P3H2: variants seen among roughly 807,000 people sequenced by gnomAD.
P3H2 encodes the protein prolyl 3-hydroxylase 2.
Under a neutral mutation model 87.0 loss-of-function variants are expected in P3H2, and 80 were observed. The observed-to-expected ratio is 0.92, with a 90% CI of 0.77 to 1.11. The LOEUF is 1.11. Ranked by LOEUF, P3H2 falls within the 50% of genes least tolerant of loss-of-function variation. The probability of loss-of-function intolerance (pLI) is 0.00; values close to 1 mark genes in which losing one functional copy is unlikely to be tolerated. For synonymous variants in P3H2, 367 were observed against 359.3 expected (o/e 1.02, Z -0.24); for missense variants, 1,001 against 923.9 (o/e 1.08, Z -1.08).
intron 1 of P3H2, among the ~76,000 whole-genome samples, chr3:190,087,259 G>A (rs1003873953): frequency 3.9e-5 from 6 of 152,078 alleles, no homozygotes; most frequent in African/African-American, 1.2e-4. Context: ...TCAAGAGGCC[G>A]GGTGCGGTGG....
In P3H2 at chr3:189,973,018, A is replaced by T. The variant is rs1003425934; in HGVS notation, c.1555T>A (p.Tyr519Asn). 7 of 1,579,380 alleles carry T rather than the reference A, an allele frequency of 4.4e-6. No homozygotes were observed. Among genetic ancestry groups the T allele is most frequent in the Non-Finnish European group, 5.1e-6 (6 of 1,166,192 alleles). Residue 519 changes from tyrosine to asparagine, a missense_variant, in exon 11 of 15, where the codon TAT (tyrosine) becomes AAT (asparagine). Transcript: ENST00000319332. ...ATVLKALKSG[Y>N]EGRVPLKSAR... ...CTCTTCAGTGGGACTCGACCTTCAT[A>T]ACCAGACTGAAAAAAAAAAACAAAA...
chr3:189,969,734 T>A (rs1447960439), intron 13 of P3H2: 1 of 1,546,932 alleles, frequency 6.5e-7, no homozygotes, highest in African/African-American at 1.4e-5. Flanking sequence ...AATTAAGACA[T>A]CAAATGGCTT....
intron 1 of P3H2, among the ~76,000 whole-genome samples, chr3:189,999,844 T>C (rs1724156245): frequency 6.6e-6 from 1 of 152,186 alleles, no homozygotes; most frequent in Non-Finnish European, 1.5e-5. Context: ...CTTAGGGCCA[T>C]TTCCTCTCAA....
At chr3:189,980,889 G>A (rs1028680010) in intron 8 of P3H2, among the ~76,000 whole-genome samples, 1 of 152,216 alleles carries the variant, frequency 6.6e-6, no homozygotes, top group Non-Finnish European at 1.5e-5. Flanking sequence ...GAAAGACCAA[G>A]TGATTAGGAA....
intron 1 of P3H2, among the ~76,000 whole-genome samples, chr3:190,098,711 A>G (rs2108990259): frequency 6.6e-6 from 1 of 152,332 alleles, no homozygotes; most frequent in South Asian, 2.1e-4. Context: ...TTCTCAAAAT[A>G]CATTGATCAT....
At chr3:190,092,755 T>C (rs1727447703) in intron 1 of P3H2, among the ~76,000 whole-genome samples, 1 of 152,140 alleles carries the variant, frequency 6.6e-6, no homozygotes, top group South Asian at 2.1e-4. Flanking sequence ...GCAAAGATAA[T>C]GAGACTTTTA....
rs142826976 is a variant in P3H2 at position 189,972,901 on chromosome 3, G to T, written c.1672C>A (p.His558Asn). ...LNSTLYFSYT[H>N]MVCRTALSGQ... ...GACAGGGCTGTTCGGCAGACCATGTGTGTATAGGAAAAATACAGAGTTGAG... is the reference window on the plus strand; with the variant it reads ...GACAGGGCTGTTCGGCAGACCATGTTTGTATAGGAAAAATACAGAGTTGAG... Residue 558 changes from histidine (H) to asparagine (N), a missense_variant, in exon 11 of 15, where the codon CAC becomes AAC. His to Asn is a moderately conservative substitution (Grantham distance 68). Transcript: ENST00000319332. The T allele has an allele frequency of 3.7e-6, 6 of 1,614,064 alleles. No homozygotes were observed. The highest frequency in any genetic ancestry group is 5.1e-6 in the Non-Finnish European group (6 of 1,179,984).
At position 189,973,929 on chromosome 3, in the gene P3H2, T is replaced by A. The variant is rs1355390875; in HGVS notation, c.1528A>T (p.Thr510Ser). Residue 510 changes from threonine to serine, a missense_variant, in exon 10 of 15, where the codon ACT becomes TCT. Coordinates refer to ENST00000319332, the MANE Select transcript of P3H2 (RefSeq NM_018192.4). ...HTPNEKFEGATVLKALKSGYE... is the reference protein window; with the variant it reads ...HTPNEKFEGASVLKALKSGYE... The stretch of plus-strand genomic sequence containing the variant: ...TTTACTTTGAGTGCTTTCAGGACAG[T>A]TGCACCTTCAAACTTTTCATTGGGT... The A allele has an allele frequency of 8.1e-6, 13 of 1,613,818 alleles. No homozygotes were observed. In the African/African-American group the frequency reaches 1.7e-4, roughly 22 times the overall value.
chr3:190,093,040 G>A (rs993076706), intron 1 of P3H2, among the ~76,000 whole-genome samples: 2 of 152,090 alleles, frequency 1.3e-5, no homozygotes, highest in Non-Finnish European at 2.9e-5. Context: ...CCCTTTATTA[G>A]AGCTTTCCTT....
chr3:189,979,902 A>C (rs1267248739), intron 8 of P3H2, among the ~76,000 whole-genome samples: 2 of 152,154 alleles, frequency 1.3e-5, no homozygotes, highest in East Asian at 1.9e-4. Context: ...CAGGAGGCAG[A>C]GATTGCAGTG....
Position 190,022,814 on chromosome 3 carries a change from C to CA in P3H2, c.481-27373dup, listed in dbSNP as rs1463928578. Among the ~76,000 whole-genome samples the CA allele has an allele frequency of 2.6e-5, 4 of 151,920 alleles. No homozygotes were observed. The East Asian group carries it at 5.8e-4, about 22-fold the overall frequency. On this transcript the variant is annotated intron_variant, in intron 1 of 14. Transcript: ENST00000319332. The stretch of plus-strand genomic sequence containing the variant: ...CCGATTAAGTAAGTCCAATACAGGG[C>CA]AAAAAATATATATATATATTTCTTT...
intron 1 of P3H2, among the ~76,000 whole-genome samples, chr3:190,038,328 AACAGAACTTTTGGC>A (rs1426978766): frequency 6.6e-6 from 1 of 151,888 alleles, no homozygotes; most frequent in East Asian, 1.9e-4. Context: ...TGATGAGATA[AACAGAACTTTTGGC>A]ACTAGAAGTG....
chr3:189,963,632 T>C lies in P3H2; in HGVS notation c.2034+326A>G, dbSNP rs1238370190. On this transcript the variant is annotated intron_variant, in intron 14 of 14. Coordinates refer to ENST00000319332, the MANE Select transcript of P3H2 (RefSeq NM_018192.4). ...GCTAATTTTGTATTTTTAGTAGAGA[T>C]GGGGTTTCAGCATGTTGATCAGGCT... The C allele has an allele frequency of 1.8e-5, 5 of 284,716 alleles. No homozygotes were observed. In the East Asian group the frequency reaches 2.3e-4, roughly 13 times the overall value. The allele number at this position is 284,716 out of a possible 1,614,324, so 17.6% of individuals were successfully genotyped here. A position where few individuals can be genotyped will look rare whatever the true frequency, so the allele number is the denominator to read the frequency against.
intron 5 of P3H2, among the ~76,000 whole-genome samples, chr3:189,987,281 C>G (rs1235217912): frequency 2.0e-5 from 3 of 151,974 alleles, no homozygotes; most frequent in African/African-American, 7.2e-5. Flanking sequence ...TCGAGACCAG[C>G]CTGACCAACA....
At chr3:189,981,907 C>A (rs1169310677) in intron 8 of P3H2, among the ~76,000 whole-genome samples, 1 of 152,114 alleles carries the variant, frequency 6.6e-6, no homozygotes, top group Non-Finnish European at 1.5e-5. Context: ...ATTAGATGAG[C>A]ATATTATCCT....
chr3:190,090,268 A>G (rs1466593599), intron 1 of P3H2, among the ~76,000 whole-genome samples: 6 of 152,180 alleles, frequency 3.9e-5, no homozygotes, highest in African/African-American at 1.2e-4. Flanking sequence ...TGTGGAGTAT[A>G]CCGGATCAAA....
chr3:189,976,805 A>T (rs1215311170), intron 8 of P3H2, among the ~76,000 whole-genome samples: 1 of 152,212 alleles, frequency 6.6e-6, no homozygotes, highest in East Asian at 1.9e-4. Flanking sequence ...ATTAAAATTT[A>T]TAAATATGGA....
intron 1 of P3H2, among the ~76,000 whole-genome samples, chr3:190,004,487 A>C (rs1440190759): frequency 1.3e-5 from 2 of 151,928 alleles, no homozygotes; most frequent in East Asian, 1.9e-4. Context: ...GGTTCACGCC[A>C]TTCTCCTGCC....
At chr3:190,041,080 A>ACACACT (rs1553877886) in intron 1 of P3H2, among the ~76,000 whole-genome samples, 1 of 40,602 alleles carries the variant, frequency 2.5e-5, no homozygotes, top group Non-Finnish European at 5.0e-5. Context: ...ACACACACAC[A>ACACACT]CTCTCTCTCT....
Sources: gnomAD v4.1 joint callset for allele counts (sites outside exome capture counted in the v4.1 genomes callset) on GRCh38, gnomAD v4.1.1 for gene constraint, MANE v1.5 for transcripts, NCBI Gene and HGNC (gene_info 2026-07-23, HGNC 2026-07-21) for gene names.